The following GALNT17 variants were observed in gnomAD, a reference collection of about 807,000 sequenced individuals.
The protein encoded by GALNT17 is polypeptide N-acetylgalactosaminyltransferase 17.
In GALNT17, 29 loss-of-function variants were observed where a neutral mutation model predicts 63.7. That is an observed-to-expected ratio of 0.46 (90% CI 0.34 to 0.62). The LOEUF (loss-of-function observed/expected upper bound fraction) is 0.62, where lower values mean the gene tolerates loss of function less well. GALNT17 is among the 20% of genes least tolerant of loss of function. The pLI is 0.01. For synonymous variants in GALNT17, 305 were observed against 318.3 expected, an observed-to-expected ratio of 0.96 and a Z score of 0.45; for missense variants, 603 against 799.6, an observed-to-expected ratio of 0.75 and a Z score of 2.97.
intron 1 of GALNT17, among the ~76,000 whole-genome samples, chr7:71,252,136 C>T (rs1164825268): frequency 6.6e-6 from 1 of 150,476 alleles, no homozygotes; most frequent in Non-Finnish European, 1.5e-5. Context: ...ACCCGATATC[C>T]TTTTTTTGTT....
chr7:71,609,784 G>A (rs1790098036), intron 6 of GALNT17, among the ~76,000 whole-genome samples: 1 of 151,880 alleles, frequency 6.6e-6, no homozygotes, highest in Admixed American at 6.6e-5. Context: ...TCACCATATA[G>A]TCAATAATAA....
At chr7:71,585,562 G>A (rs1789702662) in intron 6 of GALNT17, among the ~76,000 whole-genome samples, 1 of 152,058 alleles carries the variant, frequency 6.6e-6, no homozygotes, top group Non-Finnish European at 1.5e-5. Context: ...ATGAGTTGGT[G>A]TCATAGCACC....
At chr7:71,178,715 G>T (rs1636481) in intron 1 of GALNT17, among the ~76,000 whole-genome samples, 40,051 of 151,914 alleles carry the variant, frequency 0.26, 9,800 homozygotes, top group African/African-American at 0.66. Flanking sequence ...AGATGATTCT[G>T]TTTTCACAGT....
At chr7:71,472,462 G>T (rs990235371) in intron 5 of GALNT17, among the ~76,000 whole-genome samples, 5 of 152,104 alleles carry the variant, frequency 3.3e-5, no homozygotes, top group African/African-American at 1.2e-4. Context: ...ACCAAGGCAG[G>T]CTGATCAAAT....
intron 1 of GALNT17, among the ~76,000 whole-genome samples, chr7:71,244,241 C>T (rs990937446): frequency 6.6e-6 from 1 of 152,244 alleles, no homozygotes; most frequent in Non-Finnish European, 1.5e-5. Context: ...CCCACTTGCT[C>T]ATTCTCTCTG....
intron 5 of GALNT17, among the ~76,000 whole-genome samples, chr7:71,496,280 G>T (rs553539653): frequency 1.8e-3 from 279 of 152,240 alleles, no homozygotes; most frequent in Non-Finnish European, 3.0e-3. Flanking sequence ...CCAGCAGCTG[G>T]GAGCCAGGCC....
intron 6 of GALNT17, among the ~76,000 whole-genome samples, chr7:71,594,383 G>A (rs1323592599): frequency 3.3e-5 from 5 of 152,030 alleles, no homozygotes; most frequent in African/African-American, 7.2e-5. Context: ...TCCGCCTCCC[G>A]GGTTCAAGTG....
At chr7:71,291,948 T>G (rs1210505501) in intron 1 of GALNT17, among the ~76,000 whole-genome samples, 1 of 152,228 alleles carries the variant, frequency 6.6e-6, no homozygotes, top group Non-Finnish European at 1.5e-5. Flanking sequence ...TTTCTCAAAC[T>G]GTTTCAACAG....
chr7:71,158,284 A>G (rs987548536), intron 1 of GALNT17, among the ~76,000 whole-genome samples: 8 of 151,734 alleles, frequency 5.3e-5, no homozygotes, highest in African/African-American at 1.9e-4. Flanking sequence ...TGGCCAAGGT[A>G]GTTGGCACTC....
intron 8 of GALNT17, among the ~76,000 whole-genome samples, chr7:71,674,799 G>A (rs1791123636): frequency 6.6e-6 from 1 of 152,180 alleles, no homozygotes; most frequent in African/African-American, 2.4e-5. Flanking sequence ...TTACAGGCGT[G>A]AGCCACCGCA....
chr7:71,581,531 A>G (rs1305305936), intron 6 of GALNT17, among the ~76,000 whole-genome samples: 1 of 152,126 alleles, frequency 6.6e-6, no homozygotes, highest in African/African-American at 2.4e-5. Flanking sequence ...ACCAACCCCC[A>G]TGATCCAATC....
intron 5 of GALNT17, among the ~76,000 whole-genome samples, chr7:71,477,443 C>G (rs1233005420): frequency 6.6e-6 from 1 of 152,140 alleles, no homozygotes; most frequent in South Asian, 2.1e-4. Context: ...GTTACCCTAC[C>G]CCTCCAGCTG....
intron 10 of GALNT17, among the ~76,000 whole-genome samples, chr7:71,711,644 T>C (rs1791793927): frequency 1.3e-5 from 2 of 151,258 alleles, no homozygotes; most frequent in Admixed American, 1.3e-4. Context: ...TCTTCTCTTT[T>C]TTCTCTCTCC....
At chr7:71,694,403 G>C (rs2117101062) in intron 9 of GALNT17, among the ~76,000 whole-genome samples, 1 of 145,056 alleles carries the variant, frequency 6.9e-6, no homozygotes, top group East Asian at 2.0e-4. Context: ...TGTCACTCAG[G>C]CTGAAGTGCA....
chr7:71,543,037 TAAAA>T (rs1554306349), intron 5 of GALNT17, among the ~76,000 whole-genome samples: 1 of 130,780 alleles, frequency 7.6e-6, no homozygotes. Context: ...TGACCTTTGT[TAAAA>T]AAAAAAAAAA....
In GALNT17 at chr7:71,402,938, C is replaced by G. The variant is rs560166712; in HGVS notation, c.590-12951C>G. Among the ~76,000 whole-genome samples, 12 of 152,298 alleles carry G rather than the reference C, an allele frequency of 7.9e-5. No homozygotes were observed. The South Asian group carries it at 1.0e-3, about 13-fold the overall frequency. On this transcript the variant is annotated intron_variant, in intron 3 of 10. Coordinates refer to ENST00000333538, the MANE Select transcript of GALNT17 (RefSeq NM_022479.3). ...TATTTGAACATCACCTGCCTTCCCC[C>G]CTGCCTGTAAAGAGCCTTCCTAATC... is the stretch of plus-strand genomic sequence containing the variant.
intron 5 of GALNT17, among the ~76,000 whole-genome samples, chr7:71,486,428 G>A (rs941564915): frequency 6.6e-6 from 1 of 150,798 alleles, no homozygotes; most frequent in African/African-American, 2.4e-5. Flanking sequence ...GACTTCATTT[G>A]CAGTGACAGA....
intron 1 of GALNT17, chr7:71,284,339 G>C (rs1267943715): frequency 1.3e-5 from 2 of 153,092 alleles, no homozygotes; most frequent in Non-Finnish European, 1.5e-5. Flanking sequence ...TGGGACTACA[G>C]GTGTGTGCTA....
chr7:71,407,602 G>T (rs930361037), intron 3 of GALNT17, among the ~76,000 whole-genome samples: 1 of 152,046 alleles, frequency 6.6e-6, no homozygotes, highest in Non-Finnish European at 1.5e-5. Flanking sequence ...AATAAAATTA[G>T]CCGGACATGG....
Sources: gnomAD v4.1 joint callset for allele counts (sites outside exome capture counted in the v4.1 genomes callset) on GRCh38, gnomAD v4.1.1 for gene constraint, MANE v1.5 for transcripts, NCBI Gene and HGNC (gene_info 2026-07-23, HGNC 2026-07-21) for gene names.